ZNF420: variants seen among roughly 807,000 people sequenced by gnomAD.
The protein encoded by ZNF420 is zinc finger protein 420.
ZNF420 carries 31 observed loss-of-function variants against 44.7 expected under a neutral mutation model. The ratio of observed to expected loss-of-function variants is 0.69; its 90% CI spans 0.52 to 0.94. ZNF420 has a LOEUF of 0.94. Among genes scored for constraint, ZNF420 ranks in the 40% least tolerant of loss-of-function variants. The pLI, the probability that ZNF420 is intolerant of heterozygous loss-of-function variation, is 0.00. For missense variants in ZNF420, 681 were observed against 827.9 expected, an observed-to-expected ratio of 0.82 and a Z score of 2.18; for synonymous variants, 245 against 267.4, an observed-to-expected ratio of 0.92 and a Z score of 0.82.
chr19:37,127,033 ATGTC>A (rs1241763531), intron 4 of ZNF420, 91 bp from the exon 5 acceptor site: 3 of 1,053,488 alleles, frequency 2.8e-6, no homozygotes, highest in Non-Finnish European at 3.9e-6. Context: ...AAACTCATGT[ATGTC>A]TGTTATTTCT....
chr19:37,124,246 G>C (rs1971222690), intron 4 of ZNF420, among the ~76,000 whole-genome samples: 1 of 152,252 alleles, frequency 6.6e-6, no homozygotes, highest in South Asian at 2.1e-4. Flanking sequence ...ATTGTTGCAT[G>C]GATCAATTTG....
At chr19:37,063,518 T>C (rs1967914160) in intron 1 of ZNF420, among the ~76,000 whole-genome samples, 1 of 152,228 alleles carries the variant, frequency 6.6e-6, no homozygotes, top group Non-Finnish European at 1.5e-5. Context: ...CTCGCTTCTG[T>C]AGTATGCTTC....
At chr19:37,072,563 A>G (rs1968075058) in intron 1 of ZNF420, among the ~76,000 whole-genome samples, 1 of 152,132 alleles carries the variant, frequency 6.6e-6, no homozygotes. Flanking sequence ...AGTTATCTCT[A>G]CTCCTTTTAG....
chr19:37,037,927 A>G (rs1967387966), intron 1 of ZNF420, among the ~76,000 whole-genome samples: 1 of 152,202 alleles, frequency 6.6e-6, no homozygotes, highest in South Asian at 2.1e-4. Flanking sequence ...CCCCTAAAAG[A>G]AGAGCTGGAG....
intron 1 of ZNF420, among the ~76,000 whole-genome samples, chr19:37,048,166 A>G (rs913497132): frequency 5.3e-5 from 8 of 152,136 alleles, no homozygotes; most frequent in African/African-American, 1.7e-4. Flanking sequence ...GAGCAGACCT[A>G]TGTAGAAGCA....
chr19:37,095,119 G>A (rs1242089106), intron 4 of ZNF420, among the ~76,000 whole-genome samples: 1 of 142,266 alleles, frequency 7.0e-6, no homozygotes, highest in Non-Finnish European at 1.5e-5. Flanking sequence ...GATAGAGAGA[G>A]ACTCTGTCTC....
Position 37,032,534 on chromosome 19 carries a change from C to T in ZNF420, c.-125+24452C>T, listed in dbSNP as rs7258438. On this transcript the variant is annotated intron_variant, in intron 1 of 4. Coordinates refer to the ZNF420 transcript ENST00000587029. ...AAAAAAAAAAAAAAAGGCTGGGTGC[C>T]GTGGCTAACGCCAGTAATCCCACAG... Among the ~76,000 whole-genome samples, 6 of 150,042 alleles carry T rather than the reference C, an allele frequency of 4.0e-5. No homozygotes were observed. In the East Asian group the frequency reaches 7.9e-4, roughly 20 times the overall value.
intron 2 of ZNF420, among the ~76,000 whole-genome samples, chr19:37,087,833 G>A (rs919110146): frequency 2.0e-5 from 3 of 152,120 alleles, no homozygotes; most frequent in African/African-American, 7.2e-5. Context: ...TTTTAGTAGA[G>A]ACGGGGTTTC....
intron 2 of ZNF420, among the ~76,000 whole-genome samples, chr19:37,088,299 T>C (rs1968945483): frequency 6.6e-6 from 1 of 152,244 alleles, no homozygotes; most frequent in Non-Finnish European, 1.5e-5. Context: ...TCTTACATAA[T>C]GCATTTTGTG....
Position 37,130,154 on chromosome 19 carries a change from G to C in ZNF420, c.*1096G>C, listed in dbSNP as rs754352124. 6.5e-7 allele frequency: 1 copy of C among 1,550,332 alleles called. No homozygotes were observed. The highest frequency in any genetic ancestry group is 1.2e-5 in the South Asian group (1 of 84,056). ...ATGTGGACATCTAAGCTGGAGCTCC[G>C]TTACTCTCATGGGGACTTTGAGAAT... On this transcript the variant is annotated 3_prime_UTR_variant, in exon 5 of 5. Transcript: ENST00000337995.
At chr19:37,018,061 A>G (rs2074620429) in intron 1 of ZNF420, among the ~76,000 whole-genome samples, 1 of 152,156 alleles carries the variant, frequency 6.6e-6, no homozygotes, top group Non-Finnish European at 1.5e-5. Flanking sequence ...CATTCACAAT[A>G]GCATCAAAAA....
chr19:37,119,370 T>C (rs1454987570), intron 4 of ZNF420, among the ~76,000 whole-genome samples: 5 of 152,200 alleles, frequency 3.3e-5, no homozygotes, highest in Non-Finnish European at 7.3e-5. Context: ...CCTGAATGAC[T>C]ACTGGGTACA....
rs1479207290 is a variant in ZNF420, at chr19:37,130,161, T to C, written c.*1103T>C. ...CATCTAAGCTGGAGCTCCGTTACTC[T>C]CATGGGGACTTTGAGAATGGTATCT... On this transcript the variant is annotated 3_prime_UTR_variant, in exon 5 of 5. Coordinates refer to ENST00000337995, the MANE Select transcript of ZNF420 (RefSeq NM_144689.5). 1.9e-6 allele frequency: 3 copies of C among 1,550,350 alleles called. No individual in the cohort carries two copies. The highest frequency in any genetic ancestry group is 4.9e-5 in the East Asian group (2 of 40,922).
chr19:37,008,147 C>T, intron 1 of ZNF420: 1 of 300,394 alleles, frequency 3.3e-6, no homozygotes, highest in South Asian at 2.9e-5. Context: ...TGCCTGTAGG[C>T]TACTCTCTCA....
chr19:37,027,992 G>A (rs904460114), intron 1 of ZNF420, among the ~76,000 whole-genome samples: 1 of 152,124 alleles, frequency 6.6e-6, no homozygotes, highest in Admixed American at 6.6e-5. Context: ...AGTTTTGCAG[G>A]AATTTGCAAA....
At chr19:37,120,568 C>T (rs1363529370) in intron 4 of ZNF420, among the ~76,000 whole-genome samples, 2 of 152,194 alleles carry the variant, frequency 1.3e-5, no homozygotes, top group Non-Finnish European at 2.9e-5. Context: ...TGGCACAAGA[C>T]AGAGATGCCC....
intron 4 of ZNF420, among the ~76,000 whole-genome samples, chr19:37,100,534 G>A (rs776587253): frequency 1.1e-4 from 17 of 152,018 alleles, no homozygotes; most frequent in South Asian, 2.1e-4. Context: ...CCAACATGGC[G>A]AAACCCCATC....
intron 4 of ZNF420, 58 bp downstream of exon 4, chr19:37,091,179 C>A (rs1055671627): frequency 9.8e-5 from 141 of 1,440,600 alleles, no homozygotes; most frequent in Non-Finnish European, 1.3e-4. Flanking sequence ...GCTTTCTCTG[C>A]TGTTATTTCA....
At chr19:37,086,152 C>T (rs544023100) in intron 2 of ZNF420, among the ~76,000 whole-genome samples, 1 of 151,852 alleles carries the variant, frequency 6.6e-6, no homozygotes. Flanking sequence ...GTCTTCTTGT[C>T]CCCTGGTCCC....
Sources: gnomAD v4.1 joint callset for allele counts (sites outside exome capture counted in the v4.1 genomes callset) on GRCh38, gnomAD v4.1.1 for gene constraint, MANE v1.5 for transcripts, NCBI Gene and HGNC (gene_info 2026-07-23, HGNC 2026-07-21) for gene names.